ELP3: variants seen among roughly 807,000 people sequenced by gnomAD.
ELP3 encodes elongator complex protein 3.
ELP3 carries 56 observed loss-of-function variants against 74.9 expected under a neutral mutation model. The ratio of observed to expected loss-of-function variants is 0.75; its 90% CI spans 0.60 to 0.93. The LOEUF is 0.93. ELP3 is among the 40% of genes least tolerant of loss of function. The pLI, the probability that ELP3 is intolerant of heterozygous loss-of-function variation, is 0.00. For missense variants in ELP3, 573 were observed against 686.5 expected (o/e 0.83, Z 1.85); for synonymous variants, 222 against 239.8 (o/e 0.93, Z 0.68).
chr8:28,096,070 A>T (rs1053577993), intron 1 of ELP3, among the ~76,000 whole-genome samples: 3 of 152,114 alleles, frequency 2.0e-5, no homozygotes, highest in Admixed American at 6.5e-5. Context: ...TAGATTCTCA[A>T]AGGAGTCTGA....
At chr8:28,139,356 G>A (rs1395914917) in intron 10 of ELP3, among the ~76,000 whole-genome samples, 1 of 152,106 alleles carries the variant, frequency 6.6e-6, no homozygotes, top group Non-Finnish European at 1.5e-5. Context: ...AAATTAGTGT[G>A]AGCACTGTGG....
At chr8:28,135,261 T>C (rs1266040339) in intron 9 of ELP3, among the ~76,000 whole-genome samples, 2 of 152,160 alleles carry the variant, frequency 1.3e-5, no homozygotes, top group Non-Finnish European at 2.9e-5. Context: ...AGAGTAGGGG[T>C]TTGAAAAGCC....
In ELP3 at chr8:28,129,749, G is replaced by A. The variant is rs917004006; in HGVS notation, c.779+86G>A. Reference sequence around the variant, plus strand: ...TTCATACCCAGCCTTTCTTCCTTCTGACCACTCTTAGGGAAAGAAGTATGG... The same window carrying A: ...TTCATACCCAGCCTTTCTTCCTTCTAACCACTCTTAGGGAAAGAAGTATGG... On this transcript the variant is annotated intron_variant, in intron 8 of 14. Coordinates refer to ENST00000256398, the MANE Select transcript of ELP3 (RefSeq NM_018091.6). 3 of 1,508,960 alleles carry A rather than the reference G, an allele frequency of 2.0e-6. No homozygotes were observed. The East Asian group carries it at 6.8e-5, about 34-fold the overall frequency. The allele number at this position is 1,508,960 out of a possible 1,614,324, so 93.5% of individuals were successfully genotyped here. A position where few individuals can be genotyped will look rare whatever the true frequency, so the allele number is the denominator to read the frequency against.
At position 28,137,832 on chromosome 8, in the gene ELP3, A is replaced by G. The variant is rs766021810; in HGVS notation, c.1041A>G (p.Glu347=). The part of the protein sequence containing the change: ...YKSYSPSDLV[E]LVARILALVP... ...GTTACTCTCCTAGTGACCTGGTTGA[A>G]TTGGTGGCTCGGATCCTAGCCCTCG... The change falls in exon 10 of 15, where the codon GAA becomes GAG. Residue 347 remains glutamate, a synonymous_variant. Transcript: ENST00000256398. 2 of 1,614,022 alleles carry G rather than the reference A, an allele frequency of 1.2e-6. No individual in the cohort carries two copies. Among genetic ancestry groups the G allele is most frequent in the South Asian group, 1.1e-5 (1 of 91,060 alleles).
intron 9 of ELP3, among the ~76,000 whole-genome samples, chr8:28,136,441 A>G (rs960745954): frequency 6.6e-6 from 1 of 152,204 alleles, no homozygotes; most frequent in Non-Finnish European, 1.5e-5. Flanking sequence ...CCATGTTCAA[A>G]TGTAGATTCA....
At chr8:28,173,135 TG>T (rs1363563186) in intron 14 of ELP3, among the ~76,000 whole-genome samples, 2 of 152,074 alleles carry the variant, frequency 1.3e-5, no homozygotes, top group Non-Finnish European at 2.9e-5. Context: ...AGAGTAATGC[TG>T]GCTTTATTAA....
intron 10 of ELP3, among the ~76,000 whole-genome samples, chr8:28,153,770 G>T (rs1472670519): frequency 6.6e-6 from 1 of 152,144 alleles, no homozygotes; most frequent in African/African-American, 2.4e-5. Flanking sequence ...TCTACCTATG[G>T]TAACAGAGCT....
chr8:28,115,546 G>A (rs1362123549), intron 7 of ELP3, among the ~76,000 whole-genome samples: 1 of 152,184 alleles, frequency 6.6e-6, no homozygotes, highest in Non-Finnish European at 1.5e-5. Flanking sequence ...AGTGGGCCAG[G>A]TGTTGTCATG....
intron 7 of ELP3, among the ~76,000 whole-genome samples, chr8:28,128,691 A>G (rs1812678517): frequency 6.6e-6 from 1 of 152,270 alleles, no homozygotes; most frequent in South Asian, 2.1e-4. Context: ...AATGGAGGTA[A>G]TAGGACACAC....
chr8:28,139,134 G>A (rs779127439), intron 10 of ELP3, among the ~76,000 whole-genome samples: 9 of 152,118 alleles, frequency 5.9e-5, no homozygotes, highest in Non-Finnish European at 5.9e-5. Context: ...TGGCGAAAAG[G>A]GCATTCATTC....
intron 14 of ELP3, among the ~76,000 whole-genome samples, chr8:28,169,885 G>A (rs1347611699): frequency 6.6e-6 from 1 of 152,094 alleles, no homozygotes; most frequent in African/African-American, 2.4e-5. Flanking sequence ...TCTTGGGGCT[G>A]TGGTTCCTCG....
intron 14 of ELP3, among the ~76,000 whole-genome samples, chr8:28,184,043 C>T (rs965114631): frequency 6.6e-6 from 1 of 152,172 alleles, no homozygotes; most frequent in African/African-American, 2.4e-5. Context: ...TTCTGGGAGC[C>T]CTGCTGAGCA....
At chr8:28,097,391 C>A (rs1811293820) in intron 2 of ELP3, 73 bp downstream of exon 2, 1 of 938,636 alleles carries the variant, frequency 1.1e-6, no homozygotes, top group Non-Finnish European at 1.6e-6. Flanking sequence ...TCTAGTACTA[C>A]TTGTTTTCCA....
In ELP3 at chr8:28,160,259, A is replaced by T. The variant is rs577363460; in HGVS notation, c.1288A>T (p.Asn430Tyr). Residue 430 changes from asparagine to tyrosine, a missense_variant, in exon 13 of 15, where the codon AAT becomes TAT. By Grantham distance (143) the Asn-to-Tyr change is moderately radical. Transcript: ENST00000256398. ...VELVRRDYVA[N>Y]GGWETFLSYE... The stretch of plus-strand genomic sequence containing the variant: ...ATTGGTAAGGAGAGATTATGTTGCA[A>T]ATGGTGGCTGGGAAACATTCTTGTC... The T allele has an allele frequency of 6.2e-7, 1 of 1,614,034 alleles. No homozygotes were observed. The highest frequency in any genetic ancestry group is 1.3e-5 in the African/African-American group (1 of 74,930).
intron 14 of ELP3, among the ~76,000 whole-genome samples, chr8:28,185,098 T>G (rs909481107): frequency 1.3e-5 from 2 of 152,224 alleles, no homozygotes; most frequent in Non-Finnish European, 2.9e-5. Flanking sequence ...ATACATTGTT[T>G]TAAGTCCATG....
intron 9 of ELP3, among the ~76,000 whole-genome samples, chr8:28,133,001 A>C (rs1268439753): frequency 6.6e-6 from 1 of 152,140 alleles, no homozygotes; most frequent in South Asian, 2.1e-4. Context: ...TCACTGTATT[A>C]ATAAGTTGCT....
intron 1 of ELP3, among the ~76,000 whole-genome samples, chr8:28,095,955 G>A (rs1811237482): frequency 6.6e-6 from 1 of 152,202 alleles, no homozygotes; most frequent in South Asian, 2.1e-4. Flanking sequence ...GACAGAAGAA[G>A]GTGAGCAGCA....
At chr8:28,108,393 C>T (rs547103352) in intron 5 of ELP3, among the ~76,000 whole-genome samples, 7 of 151,828 alleles carry the variant, frequency 4.6e-5, no homozygotes, top group African/African-American at 1.4e-4. Context: ...CTACATTGTA[C>T]TGTCACTTTA....
intron 11 of ELP3, among the ~76,000 whole-genome samples, chr8:28,157,520 G>A (rs368244055): frequency 5.5e-4 from 83 of 152,286 alleles, no homozygotes; most frequent in African/African-American, 1.7e-3. Context: ...AGTTCCTGGG[G>A]TGTGGAAGTA....
Sources: allele counts gnomAD v4.1 joint callset (sites outside exome capture counted in the v4.1 genomes callset), GRCh38; gene constraint gnomAD v4.1.1; transcripts MANE v1.5; gene names NCBI Gene and HGNC (gene_info 2026-07-23, HGNC 2026-07-21).